The following FGF14 variants were observed in gnomAD, a reference collection of about 807,000 sequenced individuals.
The protein encoded by FGF14 is fibroblast growth factor 14.
In FGF14, 5 loss-of-function variants were observed where a neutral mutation model predicts 25.5. That is an observed-to-expected ratio of 0.20 (90% CI 0.10 to 0.41). The LOEUF is 0.41. Ranked by LOEUF, FGF14 falls within the 10% of genes least tolerant of loss-of-function variation. FGF14 has a pLI of 1.00. For missense variants in FGF14, 222 were observed against 320.1 expected (o/e 0.69, Z 2.34); for synonymous variants, 138 against 118.3 (o/e 1.17, Z -1.08).
chr13:101,939,608 G>C (rs576297526), intron 1 of FGF14, among the ~76,000 whole-genome samples: 1 of 152,296 alleles, frequency 6.6e-6, no homozygotes, highest in Admixed American at 6.5e-5. Flanking sequence ...TATTAGATTT[G>C]CATCTTGAGT....
At chr13:102,139,001 G>A (rs138061776) in intron 1 of FGF14, among the ~76,000 whole-genome samples, 1 of 152,310 alleles carries the variant, frequency 6.6e-6, no homozygotes, top group African/African-American at 2.4e-5. Flanking sequence ...AGCAAAAGTG[G>A]TTTGTATTGC....
chr13:102,092,821 G>A (rs941123865), intron 1 of FGF14, among the ~76,000 whole-genome samples: 3 of 152,128 alleles, frequency 2.0e-5, no homozygotes, highest in Non-Finnish European at 4.4e-5. Context: ...CACCAGAGCG[G>A]CCTTTAAGGT....
chr13:101,800,179 T>C (rs1244250230), intron 3 of FGF14, among the ~76,000 whole-genome samples: 1 of 152,108 alleles, frequency 6.6e-6, no homozygotes, highest in Non-Finnish European at 1.5e-5. Flanking sequence ...CAGCTGAAAA[T>C]TTATTTCACT....
In FGF14 at chr13:102,280,330, A is replaced by G. The variant is rs536896536; in HGVS notation, c.208+121141T>C. On this transcript the variant is annotated intron_variant, in intron 1 of 4. Transcript: ENST00000376131. ...AGAGAGAGAACTGCCTTTGTTTAGG[A>G]AAATACCTGGAGAGACTGTTTTAAG... Among the ~76,000 whole-genome samples the G allele has an allele frequency of 3.9e-5, 6 of 152,310 alleles. No homozygotes were observed. The South Asian group carries it at 1.2e-3, about 32-fold the overall frequency.
intron 3 of FGF14, among the ~76,000 whole-genome samples, chr13:101,862,338 C>A (rs2044466303): frequency 1.3e-5 from 2 of 151,770 alleles, no homozygotes; most frequent in East Asian, 1.9e-4. Context: ...ATCTTCTTTC[C>A]TTTATATTTA....
intron 1 of FGF14, among the ~76,000 whole-genome samples, chr13:101,876,392 C>T (rs182831761): frequency 1.0e-3 from 156 of 152,284 alleles, no homozygotes; most frequent in Non-Finnish European, 1.8e-3. Context: ...TGAAACCTAG[C>T]ACCTTATAAT....
chr13:101,735,116 T>C (rs2036087356), intron 3 of FGF14, among the ~76,000 whole-genome samples: 1 of 152,108 alleles, frequency 6.6e-6, no homozygotes, highest in East Asian at 1.9e-4. Flanking sequence ...AGAGCCAGGT[T>C]GATTCAATCA....
chr13:102,018,601 C>T (rs989269719), intron 1 of FGF14, among the ~76,000 whole-genome samples: 1 of 151,894 alleles, frequency 6.6e-6, no homozygotes, highest in African/African-American at 2.4e-5. Context: ...TCTTCTTCCT[C>T]TTCCTTCTCT....
chr13:102,069,454 A>T (rs1478066352), intron 1 of FGF14, among the ~76,000 whole-genome samples: 2 of 152,272 alleles, frequency 1.3e-5, no homozygotes, highest in East Asian at 1.9e-4. Flanking sequence ...CACACTGTGA[A>T]AGCTTTGTTC....
chr13:101,965,108 G>A (rs574893211), intron 1 of FGF14, among the ~76,000 whole-genome samples: 2 of 152,232 alleles, frequency 1.3e-5, no homozygotes, highest in East Asian at 3.9e-4. Context: ...AATTAGCTGG[G>A]CGAGGTGGGA....
chr13:101,966,551 C>T (rs544974468), intron 1 of FGF14, among the ~76,000 whole-genome samples: 1 of 152,150 alleles, frequency 6.6e-6, no homozygotes, highest in Non-Finnish European at 1.5e-5. Flanking sequence ...GGTGCCATCT[C>T]GCCTCACTGC....
At chr13:102,049,863 A>G (rs1186022015) in intron 1 of FGF14, among the ~76,000 whole-genome samples, 1 of 152,184 alleles carries the variant, frequency 6.6e-6, no homozygotes, top group East Asian at 1.9e-4. Flanking sequence ...ACCAGAATCT[A>G]GGGGAGAGGC....
intron 1 of FGF14, among the ~76,000 whole-genome samples, chr13:102,193,006 C>T (rs2049189692): frequency 6.6e-6 from 1 of 152,220 alleles, no homozygotes; most frequent in Non-Finnish European, 1.5e-5. Flanking sequence ...TTTCCATCCC[C>T]TATCCATTGC....
chr13:102,054,731 A>T (rs2042357812), intron 1 of FGF14, among the ~76,000 whole-genome samples: 1 of 152,136 alleles, frequency 6.6e-6, no homozygotes, highest in Admixed American at 6.6e-5. Flanking sequence ...TCCAAAACAC[A>T]AGTCATTATG....
At chr13:101,990,505 T>C (rs2038841299) in intron 1 of FGF14, among the ~76,000 whole-genome samples, 1 of 152,162 alleles carries the variant, frequency 6.6e-6, no homozygotes, top group Admixed American at 6.5e-5. Flanking sequence ...CTATGTCCAA[T>C]TACATATTAA....
intron 1 of FGF14, among the ~76,000 whole-genome samples, chr13:102,380,482 T>G (rs577306339): frequency 2.6e-5 from 4 of 152,278 alleles, no homozygotes; most frequent in South Asian, 2.1e-4. Flanking sequence ...TTTCCTCAGA[T>G]GATTGACCCT....
chr13:101,861,549 GTGTCTGC>G, intron 3 of FGF14, among the ~76,000 whole-genome samples: 1 of 139,050 alleles, frequency 7.2e-6, no homozygotes, highest in Admixed American at 7.1e-5. Context: ...GCAGACACTA[GTGTCTGC>G]AAGGCACATA....
At chr13:101,812,374 C>T (rs9513961) in intron 3 of FGF14, among the ~76,000 whole-genome samples, 143 of 151,574 alleles carry the variant, frequency 9.4e-4, no homozygotes, top group African/African-American at 3.4e-3. Context: ...TTCATGTTCT[C>T]TAATATCATA....
intron 1 of FGF14, among the ~76,000 whole-genome samples, chr13:102,093,065 C>T (rs2044238546): frequency 1.3e-5 from 2 of 152,096 alleles, no homozygotes; most frequent in African/African-American, 2.4e-5. Context: ...AACCCTTGAA[C>T]AACACGGTTT....
Sources: allele counts gnomAD v4.1 joint callset (sites outside exome capture counted in the v4.1 genomes callset), GRCh38; gene constraint gnomAD v4.1.1; transcripts MANE v1.5; gene names NCBI Gene and HGNC (gene_info 2026-07-23, HGNC 2026-07-21).